MEI1: variants seen among roughly 807,000 people sequenced by gnomAD.
MEI1 encodes the protein meiosis inhibitor protein 1.
In MEI1, 103 loss-of-function variants were observed where a neutral mutation model predicts 146.2. The observed-to-expected ratio is 0.70, with a 90% CI of 0.60 to 0.83. The LOEUF (loss-of-function observed/expected upper bound fraction) is 0.83, where lower values mean the gene tolerates loss of function less well. Among genes scored for constraint, MEI1 ranks in the 40% least tolerant of loss-of-function variants. MEI1 has a pLI of 0.00. For synonymous variants in MEI1, 652 were observed against 628.2 expected (o/e 1.04, Z -0.57); for missense variants, 1,529 against 1,533.0 (o/e 1.00, Z 0.04).
intron 20 of MEI1, among the ~76,000 whole-genome samples, chr22:41,771,561 G>A (rs901346360): frequency 3.3e-5 from 5 of 151,594 alleles, no homozygotes; most frequent in East Asian, 1.9e-4. Flanking sequence ...TCAGCCTCCC[G>A]AGTAGCTGGG....
intron 27 of MEI1, 183 bp downstream of exon 27, chr22:41,794,093 T>A: frequency 2.9e-6 from 2 of 679,276 alleles, no homozygotes; most frequent in Non-Finnish European, 5.0e-6. Flanking sequence ...AAGGTTCAGA[T>A]AGGTCAAATG....
Position 41,718,146 on chromosome 22 carries a change from A to C in MEI1, c.605A>C (p.Tyr202Ser). The C allele has an allele frequency of 1.2e-6, 2 of 1,613,822 alleles. No homozygotes were observed. The highest frequency in any genetic ancestry group is 1.7e-6 in the Non-Finnish European group (2 of 1,179,870). The change falls in exon 6 of 31, where the codon TAT becomes TCT. Residue 202 changes from tyrosine (Y) to serine (S), a missense_variant. Coordinates refer to ENST00000401548, the MANE Select transcript of MEI1 (RefSeq NM_152513.4). ...EGIQASVCYL[Y>S]GKLYSSPVAA... ...ATACAAGCTTCTGTCTGTTACCTTT[A>C]TGGGAAGCTATACTCCTCACCAGTG...
intron 20 of MEI1, 78 bp from the exon 21 acceptor site, chr22:41,776,024 C>G (rs1465604484): frequency 6.9e-7 from 1 of 1,450,228 alleles, no homozygotes; most frequent in East Asian, 2.3e-5. Context: ...GGCCCTTTTC[C>G]TGCCCCTCTA....
At chr22:41,726,582 C>G (rs1457639887) in intron 7 of MEI1, among the ~76,000 whole-genome samples, 1 of 152,038 alleles carries the variant, frequency 6.6e-6, no homozygotes, top group Non-Finnish European at 1.5e-5. Context: ...TTCTTTGATT[C>G]TGAGATACAT....
chr22:41,703,187 A>G, intron 1 of MEI1, 144 bp from the exon 2 acceptor site: 1 of 836,928 alleles, frequency 1.2e-6, no homozygotes, highest in Non-Finnish European at 1.9e-6. Flanking sequence ...TCCTTTTCCA[A>G]CCTCCCTTGA....
chr22:41,699,851 C>G, intron 1 of MEI1, 139 bp downstream of exon 1: 1 of 1,145,572 alleles, frequency 8.7e-7, no homozygotes, highest in South Asian at 1.7e-5. Context: ...TCCTCCCTGT[C>G]AGCCCGTCCC....
intron 11 of MEI1, among the ~76,000 whole-genome samples, chr22:41,740,298 G>A (rs2072750961): frequency 6.6e-6 from 1 of 151,930 alleles, no homozygotes; most frequent in Non-Finnish European, 1.5e-5. Flanking sequence ...GATTATAGGC[G>A]TGATCCACCG....
chr22:41,770,484 C>T (rs769777211), intron 19 of MEI1, among the ~76,000 whole-genome samples: 5 of 151,836 alleles, frequency 3.3e-5, no homozygotes, highest in Non-Finnish European at 5.9e-5. Context: ...CCCATGGGGA[C>T]AAAATCACCC....
intron 3 of MEI1, among the ~76,000 whole-genome samples, chr22:41,708,577 A>G (rs1292780969): frequency 4.6e-5 from 7 of 152,204 alleles, no homozygotes; most frequent in Admixed American, 6.5e-5. Context: ...ATAAAACCCA[A>G]TGAAGTCTTC....
chr22:41,745,765 T>C, intron 13 of MEI1, 120 bp from the exon 14 acceptor site: 1 of 973,790 alleles, frequency 1.0e-6, no homozygotes, highest in East Asian at 2.5e-5. Context: ...CCCAGTCTGA[T>C]AATAGAGATA....
Position 41,714,037 on chromosome 22 carries a change from C to T in MEI1, c.385C>T (p.Gln129Ter). The change falls in exon 4 of 31, where the codon CAG becomes TAG. Residue 129 changes from glutamine (Q) to a stop codon, truncating the protein, a stop_gained. Coordinates refer to ENST00000401548, the MANE Select transcript of MEI1 (RefSeq NM_152513.4). LOFTEE classifies it high-confidence loss of function. Reference protein sequence around the residue: ...IQITTQLKLEQTIRCLLDECH... With the variant: ...IQITTQLKLE ...GATCACAACGCAGCTGAAGCTGGAGCAGACTATCCGTTGCCTGCTGGATGA... is the reference window on the plus strand; with the variant it reads ...GATCACAACGCAGCTGAAGCTGGAGTAGACTATCCGTTGCCTGCTGGATGA... 2 of 1,600,386 alleles carry T rather than the reference C, an allele frequency of 1.2e-6. No homozygotes were observed. The highest frequency in any genetic ancestry group is 1.7e-6 in the Non-Finnish European group (2 of 1,173,480).
At chr22:41,738,873 G>A (rs1465239400) in intron 11 of MEI1, among the ~76,000 whole-genome samples, 1 of 151,346 alleles carries the variant, frequency 6.6e-6, no homozygotes, top group Non-Finnish European at 1.5e-5. Context: ...GAGGTAAGGC[G>A]GGAGGATCAC....
In MEI1 at chr22:41,770,821, G is replaced by A. The variant is rs919558507; in HGVS notation, c.2404G>A (p.Glu802Lys). ...LMSRYGHRVL[E>K]LWFFWEESSY... ...GAGTAGGTATGGGCACCGTGTCCTG[G>A]AACTTTGGTTCTTCTGGGAAGAGAG... Residue 802 changes from glutamate (E) to lysine (K), a missense_variant, in exon 20 of 31, where the codon GAA (glutamate) becomes AAA (lysine). Physicochemically the swap from Glu to Lys is moderately conservative, Grantham distance 56. Coordinates refer to ENST00000401548, the MANE Select transcript of MEI1 (RefSeq NM_152513.4). 6 of 1,613,958 alleles carry A rather than the reference G, an allele frequency of 3.7e-6. No homozygotes were observed. The Admixed American group carries it at 8.3e-5, about 22-fold the overall frequency.
At position 41,780,123 on chromosome 22, in the gene MEI1, A is replaced by G. The variant is rs530027024; in HGVS notation, c.2816-1161A>G. 7.2e-5 allele frequency among the ~76,000 whole-genome samples: 11 copies of G among 152,322 alleles called. No individual in the cohort carries two copies. The South Asian group carries it at 2.1e-3, about 29-fold the overall frequency. On this transcript the variant is annotated intron_variant, in intron 22 of 30. Coordinates refer to ENST00000401548, the MANE Select transcript of MEI1 (RefSeq NM_152513.4). Reference sequence around the variant, plus strand: ...GTCTGTGAGATCAAGGCTGACACTAAGCTAGGAGGGGGATCTGTGTGTGAC... The same window carrying G: ...GTCTGTGAGATCAAGGCTGACACTAGGCTAGGAGGGGGATCTGTGTGTGAC...
At chr22:41,753,915 C>T (rs1231529347) in intron 16 of MEI1, 34 bp from the exon 17 acceptor site, 3 of 1,444,346 alleles carry the variant, frequency 2.1e-6, no homozygotes, top group Non-Finnish European at 2.9e-6. Context: ...GTAGCAATGT[C>T]ATCTCTTCTA....
intron 3 of MEI1, among the ~76,000 whole-genome samples, chr22:41,706,872 A>C (rs1232383349): frequency 6.6e-6 from 1 of 152,098 alleles, no homozygotes; most frequent in Non-Finnish European, 1.5e-5. Flanking sequence ...CACACCAATT[A>C]TTTGAATAGA....
chr22:41,709,579 C>A, intron 3 of MEI1: 1 of 471,028 alleles, frequency 2.1e-6, no homozygotes. Context: ...GTTCTCGCCT[C>A]TTCTTCTGAA....
chr22:41,730,738 G>C, intron 9 of MEI1, 101 bp downstream of exon 9: 1 of 729,166 alleles, frequency 1.4e-6, no homozygotes, highest in Non-Finnish European at 2.5e-6. Flanking sequence ...ACCTTGGAGG[G>C]GAGCACTGAG....
At chr22:41,793,190 C>A (rs940139605) in intron 26 of MEI1, among the ~76,000 whole-genome samples, 1 of 151,602 alleles carries the variant, frequency 6.6e-6, no homozygotes, top group Non-Finnish European at 1.5e-5. Flanking sequence ...GCGCCCACCA[C>A]CACGCCCAGC....
Sources: gnomAD v4.1 joint callset for allele counts (sites outside exome capture counted in the v4.1 genomes callset) on GRCh38, gnomAD v4.1.1 for gene constraint, MANE v1.5 for transcripts, NCBI Gene and HGNC (gene_info 2026-07-23, HGNC 2026-07-21) for gene names.